Variants in SARNP observed in about 807,000 individuals in gnomAD.
SARNP encodes the protein SAP domain containing ribonucleoprotein.
In SARNP, 5 loss-of-function variants were observed where a neutral mutation model predicts 38.1. The ratio of observed to expected loss-of-function variants is 0.13; its 90% CI spans 0.07 to 0.28. The LOEUF (loss-of-function observed/expected upper bound fraction) is 0.28. SARNP is among the 10% of genes least tolerant of loss of function. The pLI is 1.00. For missense variants in SARNP, 180 were observed against 243.9 expected (o/e 0.74, Z 1.75); for synonymous variants, 84 against 80.6 (o/e 1.04, Z -0.23).
intron 9 of SARNP, among the ~76,000 whole-genome samples, chr12:55,770,654 C>T (rs961243062): frequency 6.6e-6 from 1 of 152,096 alleles, no homozygotes; most frequent in Non-Finnish European, 1.5e-5. Flanking sequence ...CAGCTGAATA[C>T]CACAGATATT....
At chr12:55,786,323 T>C (rs879764539) in intron 9 of SARNP, among the ~76,000 whole-genome samples, 2 of 152,202 alleles carry the variant, frequency 1.3e-5, no homozygotes, top group Admixed American at 6.5e-5. Context: ...TTTTTACTGC[T>C]GGGGTTCTCA....
chr12:55,760,787 A>C, intron 9 of SARNP, 147 bp from the exon 10 acceptor site: 1 of 623,400 alleles, frequency 1.6e-6, no homozygotes, highest in Non-Finnish European at 2.9e-6. Flanking sequence ...GATACATAAG[A>C]AACTGAATAA....
chr12:55,768,327 T>C (rs888687964), intron 9 of SARNP, among the ~76,000 whole-genome samples: 3 of 150,578 alleles, frequency 2.0e-5, no homozygotes, highest in Admixed American at 1.3e-4. Context: ...ACAGGGTTTC[T>C]CCATGTTGGC....
At chr12:55,788,456 A>G (rs115994511) in intron 9 of SARNP, among the ~76,000 whole-genome samples, 2,958 of 152,262 alleles carry the variant, frequency 0.019, 51 homozygotes, top group African/African-American at 0.049. Flanking sequence ...AGTAGATGTA[A>G]TAAGTTTTAA....
intron 2 of SARNP, among the ~76,000 whole-genome samples, chr12:55,802,901 T>A: frequency 6.7e-6 from 1 of 149,608 alleles, no homozygotes; most frequent in African/African-American, 2.5e-5. Context: ...AACTACACAG[T>A]CACATTCCAC....
At chr12:55,810,166 G>A (rs1482837188) in intron 1 of SARNP, among the ~76,000 whole-genome samples, 2 of 152,148 alleles carry the variant, frequency 1.3e-5, no homozygotes, top group African/African-American at 4.8e-5. Context: ...AGACTGGAAT[G>A]CAGCAGTGCA....
intron 1 of SARNP, among the ~76,000 whole-genome samples, chr12:55,807,872 TA>T (rs1351258706): frequency 2.6e-5 from 4 of 152,048 alleles, no homozygotes; most frequent in African/African-American, 9.7e-5. Flanking sequence ...ACTGATACAT[TA>T]TTTTCTTCCC....
At chr12:55,816,562 C>G (rs376498563) in intron 1 of SARNP, among the ~76,000 whole-genome samples, 1 of 152,114 alleles carries the variant, frequency 6.6e-6, no homozygotes. Context: ...CCTCTCCCTA[C>G]CCTTACTACC....
At chr12:55,817,230 C>A (rs974107561) in intron 1 of SARNP, among the ~76,000 whole-genome samples, 1 of 151,962 alleles carries the variant, frequency 6.6e-6, no homozygotes, top group Non-Finnish European at 1.5e-5. Context: ...CAGAAATACA[C>A]AAAAATGCCA....
At chr12:55,780,769 T>C (rs1219512027) in intron 9 of SARNP, among the ~76,000 whole-genome samples, 4 of 152,234 alleles carry the variant, frequency 2.6e-5, no homozygotes, top group Non-Finnish European at 5.9e-5. Context: ...AGCATTGCTC[T>C]AATGGGGAAG....
chr12:55,754,983 A>G (rs1390319603), downstream of SARNP: 4 of 152,208 alleles, frequency 2.6e-5, no homozygotes, highest in African/African-American at 9.7e-5. Flanking sequence ...AGTTAGGGAC[A>G]CCTTGGACTC....
At chr12:55,784,988 T>C (rs1879448134) in intron 9 of SARNP, among the ~76,000 whole-genome samples, 1 of 152,216 alleles carries the variant, frequency 6.6e-6, no homozygotes, top group Non-Finnish European at 1.5e-5. Context: ...ATAGTCTTCC[T>C]CCTGGTGCTA....
At chr12:55,800,659 A>G (rs1377917079) in intron 3 of SARNP, 30 bp from the exon 4 acceptor site, 1 of 1,538,948 alleles carries the variant, frequency 6.5e-7, no homozygotes, top group Non-Finnish European at 8.9e-7. Context: ...GGTGGTTAAC[A>G]TAAATCTAAA....
At chr12:55,775,089 G>T (rs1414169198) in intron 9 of SARNP, among the ~76,000 whole-genome samples, 1 of 150,486 alleles carries the variant, frequency 6.6e-6, no homozygotes, top group Non-Finnish European at 1.5e-5. Flanking sequence ...GGGTTTCACC[G>T]TGTTAGCCAG....
At chr12:55,754,282 CA>C (rs1223568642), downstream of SARNP, 1 of 152,226 alleles carries the variant, frequency 6.6e-6, no homozygotes, top group East Asian at 1.9e-4. Flanking sequence ...AAAGACTACT[CA>C]AGATGACTTT....
intron 2 of SARNP, among the ~76,000 whole-genome samples, chr12:55,802,070 G>A (rs908996370): frequency 6.6e-6 from 1 of 152,118 alleles, no homozygotes; most frequent in Non-Finnish European, 1.5e-5. Context: ...CTTTTTTCAT[G>A]GAGAACATAA....
chr12:55,809,534 C>A (rs1880261586), intron 1 of SARNP, among the ~76,000 whole-genome samples: 1 of 151,882 alleles, frequency 6.6e-6, no homozygotes, highest in Non-Finnish European at 1.5e-5. Context: ...GCAGGAGGAT[C>A]ACTTGAGCCT....
intron 9 of SARNP, among the ~76,000 whole-genome samples, chr12:55,783,550 G>C (rs1453861820): frequency 6.6e-6 from 1 of 151,390 alleles, no homozygotes; most frequent in Non-Finnish European, 1.5e-5. Context: ...TTCTTGGGCA[G>C]AGGGAAAAGG....
At chr12:55,770,257 GCT>G (rs1351919463) in intron 9 of SARNP, among the ~76,000 whole-genome samples, 1 of 148,898 alleles carries the variant, frequency 6.7e-6, no homozygotes, top group Non-Finnish European at 1.5e-5. Flanking sequence ...ATGGAGTCTC[GCT>G]CTGTCGCCCA....
Sources: allele counts gnomAD v4.1 joint callset (sites outside exome capture counted in the v4.1 genomes callset), GRCh38; gene constraint gnomAD v4.1.1; transcripts MANE v1.5; gene names NCBI Gene and HGNC (gene_info 2026-07-23, HGNC 2026-07-21).